Variants in SNX30 observed in about 807,000 individuals in gnomAD.
SNX30 encodes the protein sorting nexin family member 30, also known as sorting nexin-30.
A neutral mutation model predicts 46.4 loss-of-function variants in SNX30; 24 were observed. That is an observed-to-expected ratio of 0.52 (90% CI 0.37 to 0.73). SNX30 has a LOEUF of 0.73. SNX30 is among the 30% of genes least tolerant of loss of function. The pLI is 0.00. For missense variants in SNX30, 533 were observed against 555.7 expected (o/e 0.96, Z 0.41); for synonymous variants, 189 against 211.5 (o/e 0.89, Z 0.92).
chr9:112,804,599 C>A (rs1840194753), intron 1 of SNX30, among the ~76,000 whole-genome samples, 177 bp from the exon 2 acceptor site: 1 of 152,208 alleles, frequency 6.6e-6, no homozygotes, highest in African/African-American at 2.4e-5. Flanking sequence ...TAGTTTGTTT[C>A]TCTTGGTCGT....
chr9:112,832,614 C>T (rs371977810), intron 4 of SNX30, among the ~76,000 whole-genome samples: 12 of 67,022 alleles, frequency 1.8e-4, no homozygotes, highest in Non-Finnish European at 2.6e-4. Flanking sequence ...CATCACACGC[C>T]GGGGACTGTT....
chr9:112,832,430 A>AAGAGAGAG lies in SNX30; in HGVS notation c.618+1570_618+1577dup, dbSNP rs144673731. Reference sequence around the variant, plus strand: ...GAATCTGTATGAAGAATAAGTAGGAAAGAGAGAGAGAGAGAGAGAGAGAGA... The same window carrying AAGAGAGAG: ...GAATCTGTATGAAGAATAAGTAGGAAAGAGAGAGAGAGAGAGAGAGAGAGAGAGAGAGA... On this transcript the variant is annotated intron_variant, in intron 4 of 8. Transcript: ENST00000374232. Among the ~76,000 whole-genome samples the AAGAGAGAG allele has an allele frequency of 4.2e-3, 338 of 79,596 alleles. 5 individuals carry two copies. Among genetic ancestry groups the AAGAGAGAG allele is most frequent in the East Asian group, 0.021 (64 of 3,112 alleles). 52.2% of individuals were successfully genotyped at this position (79,596 alleles called of 152,430 possible).
chr9:112,864,555 T>C (rs75597288), intron 8 of SNX30, among the ~76,000 whole-genome samples, 156 bp downstream of exon 8: 9,696 of 152,222 alleles, frequency 0.064, 736 homozygotes, highest in South Asian at 0.18. Flanking sequence ...TGCCCAACCA[T>C]GTGGCTGCAG....
intron 7 of SNX30, among the ~76,000 whole-genome samples, chr9:112,861,694 G>C (rs1238507614): frequency 1.3e-5 from 2 of 152,162 alleles, no homozygotes; most frequent in Non-Finnish European, 2.9e-5. Context: ...TCTCCGTGCC[G>C]CTGTGGGCCC....
chr9:112,852,069 C>T (rs531018952), intron 7 of SNX30, among the ~76,000 whole-genome samples: 28 of 152,228 alleles, frequency 1.8e-4, no homozygotes, highest in African/African-American at 6.7e-4. Flanking sequence ...GCACCATGTT[C>T]CAGAAGATCA....
intron 3 of SNX30, among the ~76,000 whole-genome samples, chr9:112,824,915 A>G (rs571242338): frequency 6.6e-6 from 1 of 152,322 alleles, no homozygotes; most frequent in South Asian, 2.1e-4. Context: ...TGAGTGTTGT[A>G]CGACCATCAC....
intron 1 of SNX30, among the ~76,000 whole-genome samples, chr9:112,770,602 T>C (rs945682306): frequency 4.6e-5 from 7 of 152,042 alleles, no homozygotes; most frequent in African/African-American, 1.7e-4. Flanking sequence ...CACTTCTCTC[T>C]CCCCCTGCCC....
At position 112,869,900 on chromosome 9, in the gene SNX30, G is replaced by A. The variant is rs1841419266; in HGVS notation, c.*1057G>A. 1 of 152,142 alleles carries A rather than the reference G, an allele frequency of 6.6e-6. No individual in the cohort carries two copies. Among genetic ancestry groups the A allele is most frequent in the African/African-American group, 2.4e-5 (1 of 41,418 alleles). 9.4% of individuals were successfully genotyped at this position (152,142 alleles called of 1,614,324 possible). A position where few individuals can be genotyped will look rare whatever the true frequency, so the allele number is the denominator to read the frequency against. ...TATGTCATGTTGTTATGATACAGTC[G>A]AAATTTGTCAATGCAGTGTGAATGT... On this transcript the variant is annotated 3_prime_UTR_variant, in exon 9 of 9. Coordinates refer to ENST00000374232, the MANE Select transcript of SNX30 (RefSeq NM_001012994.2).
At chr9:112,766,172 A>G (rs1839534283) in intron 1 of SNX30, among the ~76,000 whole-genome samples, 1 of 152,190 alleles carries the variant, frequency 6.6e-6, no homozygotes, top group Non-Finnish European at 1.5e-5. Flanking sequence ...TTAGGTCTCC[A>G]GAACTTATTC....
At chr9:112,757,482 G>A (rs918467077) in intron 1 of SNX30, among the ~76,000 whole-genome samples, 4 of 152,204 alleles carry the variant, frequency 2.6e-5, no homozygotes, top group Non-Finnish European at 5.9e-5. Flanking sequence ...ATATCTTTAT[G>A]AGGTGTTGAT....
chr9:112,864,896 A>G (rs558853047), intron 8 of SNX30, among the ~76,000 whole-genome samples: 1 of 152,240 alleles, frequency 6.6e-6, no homozygotes, highest in African/African-American at 2.4e-5. Flanking sequence ...CGTAAAATAA[A>G]GGGATGTAGG....
chr9:112,838,710 G>C lies in SNX30; in HGVS notation c.1014+13G>C. On this transcript the variant is annotated intron_variant, in intron 6 of 8. Transcript: ENST00000374232. ...TGACTCCATGAAGGTAAGCTGGCTTGCTTCTTGTGTATTTGCATACTTTCT... is the reference window on the plus strand; with the variant it reads ...TGACTCCATGAAGGTAAGCTGGCTTCCTTCTTGTGTATTTGCATACTTTCT... The C allele has an allele frequency of 6.2e-7, 1 of 1,611,736 alleles. No homozygotes were observed. Among genetic ancestry groups the C allele is most frequent in the Non-Finnish European group, 8.5e-7 (1 of 1,178,284 alleles).
intron 1 of SNX30, among the ~76,000 whole-genome samples, chr9:112,796,964 C>A (rs1418986345): frequency 3.3e-5 from 5 of 152,154 alleles, no homozygotes; most frequent in African/African-American, 4.8e-5. Context: ...AGGGAAAGCA[C>A]CCCCTCCTCC....
intron 1 of SNX30, among the ~76,000 whole-genome samples, chr9:112,756,382 C>G (rs1451082682): frequency 6.7e-6 from 1 of 149,410 alleles, no homozygotes; most frequent in South Asian, 2.1e-4. Flanking sequence ...CATGGCTGAT[C>G]TGTCCAACTC....
chr9:112,876,946 A>AG (rs1841525041), downstream of SNX30, among the ~76,000 whole-genome samples: 1 of 150,650 alleles, frequency 6.6e-6, no homozygotes, highest in African/African-American at 2.4e-5. Context: ...AAAAAAAAAA[A>AG]GGATGCAGGG....
chr9:112,780,492 C>T (rs1839828528), intron 1 of SNX30, among the ~76,000 whole-genome samples: 1 of 152,206 alleles, frequency 6.6e-6, no homozygotes, highest in Admixed American at 6.5e-5. Context: ...TGTGGGTTTG[C>T]TGATGGCAGC....
chr9:112,778,889 C>T (rs1158032087), intron 1 of SNX30, among the ~76,000 whole-genome samples: 1 of 49,070 alleles, frequency 2.0e-5, no homozygotes, highest in Non-Finnish European at 3.8e-5. Context: ...GATGAGAGAA[C>T]TTGGGGGGGG....
At chr9:112,796,810 G>A (rs1309893885) in intron 1 of SNX30, among the ~76,000 whole-genome samples, 5 of 152,076 alleles carry the variant, frequency 3.3e-5, no homozygotes, top group African/African-American at 9.7e-5. Flanking sequence ...TCACTCCGCC[G>A]TGTCCCATTG....
chr9:112,759,264 C>T (rs532541581), intron 1 of SNX30, among the ~76,000 whole-genome samples: 4 of 152,296 alleles, frequency 2.6e-5, no homozygotes, highest in Admixed American at 2.6e-4. Flanking sequence ...TACTCCTCAG[C>T]CTCCTGCTGC....
Sources: allele counts gnomAD v4.1 joint callset (sites outside exome capture counted in the v4.1 genomes callset), GRCh38; gene constraint gnomAD v4.1.1; transcripts MANE v1.5; gene names NCBI Gene and HGNC (gene_info 2026-07-23, HGNC 2026-07-21).